Variants in C1D observed in about 807,000 individuals in gnomAD.
The protein encoded by C1D is C1D nuclear receptor corepressor.
C1D carries 10 observed loss-of-function variants against 17.5 expected under a neutral mutation model. The ratio of observed to expected loss-of-function variants is 0.57; its 90% CI spans 0.35 to 0.97. The LOEUF is 0.97. Ranked by LOEUF, C1D falls within the 50% of genes least tolerant of loss-of-function variation. C1D has a pLI of 0.01. For missense variants in C1D, 136 were observed against 160.1 expected (o/e 0.85, Z 0.81); for synonymous variants, 49 against 54.0 (o/e 0.91, Z 0.40).
In C1D at chr2:68,042,907, T is replaced by G; in HGVS notation, c.408A>C (p.Lys136Asn). Reference sequence around the variant, plus strand: ...CAAAAAGTTAACTTTTACTTTTTCCTTTATTGGCAACTTTTGATGCATTTT... The same window carrying G: ...CAAAAAGTTAACTTTTACTTTTTCCGTTATTGGCAACTTTTGATGCATTTT... Reference protein sequence around the residue: ...KSKNASKVANKGKSKS With the variant: ...KSKNASKVANNGKSKS The change falls in exon 5 of 5, where the codon AAA (lysine) becomes AAC (asparagine). Residue 136 changes from lysine (K) to asparagine (N), a missense_variant. Lys to Asn is a moderately conservative substitution (Grantham distance 94, BLOSUM62 0). Coordinates refer to ENST00000410067, the MANE Select transcript of C1D (RefSeq NM_173177.3). 3.7e-6 allele frequency: 6 copies of G among 1,600,456 alleles called. No homozygotes were observed. The highest frequency in any genetic ancestry group is 5.1e-6 in the Non-Finnish European group (6 of 1,172,130).
intron 1 of C1D, among the ~76,000 whole-genome samples, chr2:68,061,466 A>G (rs991672184): frequency 2.6e-5 from 4 of 152,250 alleles, no homozygotes; most frequent in Non-Finnish European, 1.5e-5. Flanking sequence ...ATTACATTAA[A>G]TTAAATTCAC....
At chr2:68,054,378 T>G (rs1230773091) in intron 1 of C1D, among the ~76,000 whole-genome samples, 1 of 152,112 alleles carries the variant, frequency 6.6e-6, no homozygotes. Context: ...AAGAAACTGG[T>G]TTACATAGGG....
At chr2:68,051,766 A>G (rs1671289840) in intron 1 of C1D, among the ~76,000 whole-genome samples, 1 of 151,648 alleles carries the variant, frequency 6.6e-6, no homozygotes, top group African/African-American at 2.4e-5. Flanking sequence ...CCTTCACCAG[A>G]TCTCCACTCA....
intron 1 of C1D, among the ~76,000 whole-genome samples, chr2:68,050,479 C>T (rs1334257580): frequency 6.6e-6 from 1 of 152,156 alleles, no homozygotes; most frequent in Non-Finnish European, 1.5e-5. Flanking sequence ...TTGCACTTGG[C>T]AAGGTCACCC....
intron 1 of C1D, among the ~76,000 whole-genome samples, chr2:68,060,046 C>T (rs1358869878): frequency 6.6e-6 from 1 of 152,188 alleles, no homozygotes; most frequent in Admixed American, 6.5e-5. Context: ...CAAACCTGCC[C>T]CTCCCACAGT....
In C1D at chr2:68,048,862, G is replaced by C. The variant is rs150690672; in HGVS notation, c.-9-1543C>G. ...AATGCTGGAAACCAAGAAAAGCACA[G>C]ATCTACCAGCAGACTTCAACAGTAG... On this transcript the variant is annotated intron_variant, in intron 1 of 4. Coordinates refer to ENST00000410067, the MANE Select transcript of C1D (RefSeq NM_173177.3). 2.6e-3 allele frequency among the ~76,000 whole-genome samples: 400 copies of C among 152,264 alleles called. 3 individuals are homozygous for C. The highest frequency in any genetic ancestry group is 9.1e-3 in the African/African-American group (380 of 41,558).
chr2:68,060,351 C>G (rs560460833), intron 1 of C1D, among the ~76,000 whole-genome samples: 51 of 152,250 alleles, frequency 3.3e-4, no homozygotes, highest in African/African-American at 1.2e-3. Flanking sequence ...TCTATTAAAA[C>G]GTGAGTCAGG....
At chr2:68,046,223 AG>A in intron 3 of C1D, 120 bp downstream of exon 3, 1 of 840,850 alleles carries the variant, frequency 1.2e-6, no homozygotes, top group Non-Finnish European at 1.9e-6. Flanking sequence ...TTTAAAAATA[AG>A]TATCTATTAA....
intron 1 of C1D, among the ~76,000 whole-genome samples, chr2:68,056,542 A>AT (rs369582951): frequency 2.0e-5 from 3 of 152,162 alleles, no homozygotes; most frequent in African/African-American, 7.2e-5. Context: ...CAACACAAAG[A>AT]TTTTTTTAAA....
At chr2:68,043,121 G>A in intron 4 of C1D, 68 bp from the exon 5 acceptor site, 1 of 1,188,230 alleles carries the variant, frequency 8.4e-7, no homozygotes, top group Non-Finnish European at 1.2e-6. Context: ...TTATTATACT[G>A]TACACCTTGG....
intron 1 of C1D, among the ~76,000 whole-genome samples, chr2:68,049,810 A>G (rs1428923742): frequency 6.6e-6 from 1 of 152,128 alleles, no homozygotes; most frequent in Admixed American, 6.5e-5. Flanking sequence ...CAAATGCTAT[A>G]GGAAATGGCT....
At position 68,042,981 on chromosome 2, in the gene C1D, C is replaced by T; in HGVS notation, c.334G>A (p.Gly112Ser). 3 of 1,608,996 alleles carry T rather than the reference C, an allele frequency of 1.9e-6. No individual in the cohort carries two copies. Among genetic ancestry groups the T allele is most frequent in the Non-Finnish European group, 2.6e-6 (3 of 1,176,198 alleles). Residue 112 changes from glycine to serine, a missense_variant, in exon 5 of 5, where the codon GGT becomes AGT. Coordinates refer to ENST00000410067, the MANE Select transcript of C1D (RefSeq NM_173177.3). ...TTTTTTACAAATCTTGAAGCTGCACCTCTGTCCAGCTTGCCAGCCTTTTTC... is the reference window on the plus strand; with the variant it reads ...TTTTTTACAAATCTTGAAGCTGCACTTCTGTCCAGCTTGCCAGCCTTTTTC... ...DKKKAGKLDR[G>S]AASRFVKNAL... is the part of the protein sequence containing the mutation.
In C1D at chr2:68,042,700, A is replaced by C. The variant is rs1010964956; in HGVS notation, c.*189T>G. 2.4e-5 allele frequency: 10 copies of C among 412,578 alleles called. No homozygotes were observed. Among genetic ancestry groups the C allele is most frequent in the African/African-American group, 2.0e-4 (10 of 49,478 alleles). 25.6% of individuals were successfully genotyped at this position (412,578 alleles called of 1,614,324 possible). ...ATATATAATATATCACAATGTTAAA[A>C]TCCTCAGTGCTAATCAATAAAGATA... On this transcript the variant is annotated 3_prime_UTR_variant, in exon 5 of 5. Coordinates refer to ENST00000410067, the MANE Select transcript of C1D (RefSeq NM_173177.3).
chr2:68,055,774 A>T (rs1324693841), intron 1 of C1D, among the ~76,000 whole-genome samples: 3 of 151,456 alleles, frequency 2.0e-5, no homozygotes, highest in African/African-American at 7.3e-5. Flanking sequence ...GAATTTGCTT[A>T]AAAAAAAAGT....
At chr2:68,045,200 T>C (rs561617258) in intron 4 of C1D, among the ~76,000 whole-genome samples, 26 of 152,304 alleles carry the variant, frequency 1.7e-4, no homozygotes, top group Non-Finnish European at 1.9e-4. Context: ...ATAACATACA[T>C]ATCAACTACC....
chr2:68,053,094 A>G (rs1268064431), intron 1 of C1D: 2 of 1,550,728 alleles, frequency 1.3e-6, no homozygotes, highest in African/African-American at 1.4e-5. Flanking sequence ...CCGGGGTTCT[A>G]TAGGTACTCC....
chr2:68,054,389 C>A (rs1209350096), intron 1 of C1D, among the ~76,000 whole-genome samples: 4 of 152,142 alleles, frequency 2.6e-5, no homozygotes, highest in Non-Finnish European at 4.4e-5. Flanking sequence ...TTACATAGGG[C>A]AGGCTATGAA....
intron 1 of C1D, among the ~76,000 whole-genome samples, chr2:68,055,595 A>G (rs1045880798): frequency 6.6e-6 from 1 of 152,200 alleles, no homozygotes; most frequent in Admixed American, 6.5e-5. Flanking sequence ...GTGGAAAAAG[A>G]TAGTTCTGTG....
At chr2:68,047,942 G>A (rs900606713) in intron 1 of C1D, among the ~76,000 whole-genome samples, 2 of 152,076 alleles carry the variant, frequency 1.3e-5, no homozygotes, top group African/African-American at 4.8e-5. Context: ...AAATATAGGT[G>A]TTGATCTAGG....
Sources: gnomAD v4.1 joint callset for allele counts (sites outside exome capture counted in the v4.1 genomes callset) on GRCh38, gnomAD v4.1.1 for gene constraint, MANE v1.5 for transcripts, NCBI Gene and HGNC (gene_info 2026-07-23, HGNC 2026-07-21) for gene names.